Variants in SH3PXD2B observed in about 807,000 individuals in gnomAD.
SH3PXD2B encodes the protein SH3 and PX domains 2B.
SH3PXD2B carries 37 observed loss-of-function variants against 73.1 expected under a neutral mutation model. The observed-to-expected ratio is 0.51, with a 90% CI of 0.39 to 0.67. SH3PXD2B has a LOEUF of 0.67. SH3PXD2B is among the 30% of genes least tolerant of loss of function. The pLI, the probability that SH3PXD2B is intolerant of heterozygous loss-of-function variation, is 0.00. For missense variants in SH3PXD2B, 1,053 were observed against 1,197.8 expected (o/e 0.88, Z 1.78); for synonymous variants, 457 against 480.5 (o/e 0.95, Z 0.64).
At chr5:172,380,549 C>T (rs552540791) in intron 5 of SH3PXD2B, among the ~76,000 whole-genome samples, 40 of 152,274 alleles carry the variant, frequency 2.6e-4, no homozygotes, top group East Asian at 1.2e-3. Flanking sequence ...TTCATGATGG[C>T]GACACAAATT....
At position 172,348,638 on chromosome 5, in the gene SH3PXD2B, GTATC is replaced by G. The variant is rs149273834; in HGVS notation, c.1013-1310_1013-1307del. Among the ~76,000 whole-genome samples, 596 of 72,528 alleles carry G rather than the reference GTATC, an allele frequency of 8.2e-3. 4 individuals are homozygous for G. Among genetic ancestry groups the G allele is most frequent in the Admixed American group, 0.013 (86 of 6,452 alleles). The allele number at this position is 72,528 out of a possible 152,430, so 47.6% of individuals were successfully genotyped here. A position where few individuals can be genotyped will look rare whatever the true frequency, so the allele number is the denominator to read the frequency against. On this transcript the variant is annotated intron_variant, in intron 10 of 12. Coordinates refer to ENST00000311601, the MANE Select transcript of SH3PXD2B (RefSeq NM_001017995.3). ...TGAATCTATCTATGTATCTATCTAT[GTATC>G]TATCTATCTATCCTATCTATCTATC...
At position 172,333,676 on chromosome 5, in the gene SH3PXD2B, G is replaced by A. The variant is rs886060407; in HGVS notation, c.*4693C>T. 1.6e-5 allele frequency: 20 copies of A among 1,289,322 alleles called. No individual in the cohort carries two copies. The highest frequency in any genetic ancestry group is 2.1e-4 in the Middle Eastern group (1 of 4,696). 79.9% of individuals were successfully genotyped at this position (1,289,322 alleles called of 1,614,324 possible). On this transcript the variant is annotated 3_prime_UTR_variant, in exon 13 of 13. Transcript: ENST00000311601. ...GTTAAAGGAAACAAAAACCACCACC[G>A]GAATGCCAATTTGCCAAGAGGGTAG...
chr5:172,350,701 G>T, intron 9 of SH3PXD2B, 112 bp from the exon 10 acceptor site: 1 of 1,036,700 alleles, frequency 9.6e-7, no homozygotes, highest in Non-Finnish European at 1.4e-6. Context: ...ACGACGGGTT[G>T]TGACTGCCCA....
At chr5:172,419,209 C>G (rs566986061) in intron 2 of SH3PXD2B, among the ~76,000 whole-genome samples, 1 of 152,298 alleles carries the variant, frequency 6.6e-6, no homozygotes, top group African/African-American at 2.4e-5. Context: ...AAGCCTTAGG[C>G]TGCGCTGGAA....
intron 1 of SH3PXD2B, among the ~76,000 whole-genome samples, chr5:172,425,305 C>G (rs1314849547): frequency 6.6e-6 from 1 of 152,134 alleles, no homozygotes; most frequent in Non-Finnish European, 1.5e-5. Flanking sequence ...AAGGCAGACC[C>G]AGACCCTGCC....
chr5:172,446,092 C>A (rs1344178047), intron 1 of SH3PXD2B, among the ~76,000 whole-genome samples: 2 of 152,188 alleles, frequency 1.3e-5, no homozygotes, highest in Non-Finnish European at 2.9e-5. Context: ...CAGGGGCCAG[C>A]TGACCCCCCC....
intron 12 of SH3PXD2B, among the ~76,000 whole-genome samples, chr5:172,344,557 C>T (rs1198814241): frequency 7.8e-6 from 1 of 128,146 alleles, no homozygotes; most frequent in East Asian, 2.4e-4. Flanking sequence ...CATTGCACTC[C>T]AGCCTGGGCA....
chr5:172,424,450 T>C (rs1321369447), intron 1 of SH3PXD2B, among the ~76,000 whole-genome samples: 1 of 151,996 alleles, frequency 6.6e-6, no homozygotes, highest in African/African-American at 2.4e-5. Context: ...TTAGCCAGAG[T>C]CTCTTTTCAA....
In SH3PXD2B at chr5:172,444,886, G is replaced by A. The variant is rs148333695; in HGVS notation, c.75+9392C>T. ...CTGTACTGGAGCTATGGCCTTCCTG[G>A]GGGGGGACCATGCCTTCTCTCCTGT... is the stretch of plus-strand genomic sequence containing the variant. On this transcript the variant is annotated intron_variant, in intron 1 of 12. Coordinates refer to ENST00000311601, the MANE Select transcript of SH3PXD2B (RefSeq NM_001017995.3). Among the ~76,000 whole-genome samples the A allele has an allele frequency of 1.6e-3, 249 of 152,228 alleles. 1 individual carries two copies. Among genetic ancestry groups the A allele is most frequent in the African/African-American group, 5.3e-3 (222 of 41,546 alleles).
chr5:172,415,360 G>A (rs1329151342), intron 2 of SH3PXD2B, among the ~76,000 whole-genome samples: 1 of 152,164 alleles, frequency 6.6e-6, no homozygotes, highest in Admixed American at 6.5e-5. Context: ...CTTAAAAAGG[G>A]GCAGCCATAG....
intron 1 of SH3PXD2B, among the ~76,000 whole-genome samples, chr5:172,453,235 C>T (rs539670230): frequency 9.9e-5 from 15 of 152,226 alleles, no homozygotes; most frequent in African/African-American, 3.4e-4. Context: ...TTTTCCCTCC[C>T]TCTTACTCTT....
chr5:172,400,023 C>A (rs141384557), intron 3 of SH3PXD2B, among the ~76,000 whole-genome samples: 6 of 152,280 alleles, frequency 3.9e-5, no homozygotes, highest in South Asian at 4.1e-4. Context: ...ATAAATACCC[C>A]CCTCTGTGCC....
intron 1 of SH3PXD2B, among the ~76,000 whole-genome samples, chr5:172,448,729 C>T (rs1759730203): frequency 6.6e-6 from 1 of 152,216 alleles, no homozygotes; most frequent in Non-Finnish European, 1.5e-5. Flanking sequence ...AGTCACTGCA[C>T]CTATTTTACA....
At chr5:172,371,430 C>G (rs1757701547) in intron 6 of SH3PXD2B, among the ~76,000 whole-genome samples, 1 of 152,152 alleles carries the variant, frequency 6.6e-6, no homozygotes, top group African/African-American at 2.4e-5. Context: ...GGCAGATAAG[C>G]CTTCTCCAAA....
chr5:172,394,706 G>T, intron 3 of SH3PXD2B, 67 bp from the exon 4 acceptor site: 2 of 1,535,270 alleles, frequency 1.3e-6, no homozygotes, highest in South Asian at 1.1e-5. Flanking sequence ...AACCTGAGAG[G>T]GTGTGGACAT....
rs981382730 is a variant in SH3PXD2B at position 172,445,191 on chromosome 5, C to G, written c.75+9087G>C. On this transcript the variant is annotated intron_variant, in intron 1 of 12. Transcript: ENST00000311601. This position sits in a 1 kb window ranked among gnomAD's most constrained non-coding sequence, Gnocchi z 5.2. ...CAGGGCACCTGTCTGCCTGTCAGGA[C>G]ACTGACCTTCTTGAGGTCTCAATCC... Among the ~76,000 whole-genome samples, 29 of 152,222 alleles carry G rather than the reference C, an allele frequency of 1.9e-4. No homozygotes were observed. The highest frequency in any genetic ancestry group is 3.8e-4 in the Non-Finnish European group (26 of 68,042).
chr5:172,331,083 T>C (rs1756545267), downstream of SH3PXD2B, among the ~76,000 whole-genome samples: 1 of 152,094 alleles, frequency 6.6e-6, no homozygotes, highest in Non-Finnish European at 1.5e-5. Context: ...TAATCCCAGC[T>C]ACTCAGGAGG....
chr5:172,352,457 C>A (rs540256762), intron 9 of SH3PXD2B, among the ~76,000 whole-genome samples: 6 of 152,006 alleles, frequency 3.9e-5, no homozygotes, highest in African/African-American at 1.5e-4. Flanking sequence ...GAATTCCTGG[C>A]CTCAAGTGAT....
intron 6 of SH3PXD2B, among the ~76,000 whole-genome samples, chr5:172,371,333 A>G (rs1757698721): frequency 6.6e-6 from 1 of 152,324 alleles, no homozygotes; most frequent in Admixed American, 6.5e-5. Flanking sequence ...GAGAAGATTC[A>G]TTTTCTGCAG....
Sources: allele counts gnomAD v4.1 joint callset (sites outside exome capture counted in the v4.1 genomes callset), GRCh38; gene constraint gnomAD v4.1.1; non-coding constraint Gnocchi (gnomAD v3.1); transcripts MANE v1.5; gene names NCBI Gene and HGNC (gene_info 2026-07-23, HGNC 2026-07-21).